The following ZMAT4 variants were observed in gnomAD, a reference collection of about 807,000 sequenced individuals.
The protein encoded by ZMAT4 is zinc finger matrin-type protein 4.
ZMAT4 carries 17 observed loss-of-function variants against 28.7 expected under a neutral mutation model. The observed-to-expected ratio is 0.59, with a 90% CI of 0.41 to 0.89. The LOEUF (loss-of-function observed/expected upper bound fraction) is 0.89. ZMAT4 is among the 40% of genes least tolerant of loss of function. ZMAT4 has a pLI of 0.00. For missense variants in ZMAT4, 240 were observed against 283.8 expected (o/e 0.85, Z 1.11); for synonymous variants, 117 against 109.2 (o/e 1.07, Z -0.44).
intron 5 of ZMAT4, among the ~76,000 whole-genome samples, chr8:40,598,202 T>C (rs1805166562): frequency 6.6e-6 from 1 of 152,210 alleles, no homozygotes; most frequent in Non-Finnish European, 1.5e-5. Context: ...TTTTGTTTGT[T>C]TGTTTGCTTT....
At chr8:40,888,495 C>T (rs574567335) in intron 1 of ZMAT4, 1 of 152,526 alleles carries the variant, frequency 6.6e-6, no homozygotes, top group South Asian at 2.1e-4. Flanking sequence ...CATGCCCTAC[C>T]TTCAGGCAGG....
At chr8:40,543,833 G>T (rs7010115) in intron 6 of ZMAT4, among the ~76,000 whole-genome samples, 16,756 of 152,144 alleles carry the variant, frequency 0.11, 2,860 homozygotes, top group African/African-American at 0.37. Context: ...AAGGTAGAGG[G>T]AACAACATTA....
intron 5 of ZMAT4, among the ~76,000 whole-genome samples, chr8:40,671,203 T>C (rs1808651869): frequency 2.0e-5 from 3 of 152,208 alleles, no homozygotes; most frequent in Admixed American, 2.0e-4. Flanking sequence ...GGTGAGGCTA[T>C]GGAATTTTTA....
At chr8:40,713,695 A>C (rs1024852877) in intron 3 of ZMAT4, among the ~76,000 whole-genome samples, 3 of 151,918 alleles carry the variant, frequency 2.0e-5, no homozygotes, top group Non-Finnish European at 4.4e-5. Flanking sequence ...GATCACTTGC[A>C]GTCAGGAGTT....
At chr8:40,749,577 G>A (rs1210197803) in intron 3 of ZMAT4, among the ~76,000 whole-genome samples, 1 of 152,142 alleles carries the variant, frequency 6.6e-6, no homozygotes, top group East Asian at 1.9e-4. Flanking sequence ...AAAGAACAAA[G>A]TTAGGATGAC....
chr8:40,674,003 T>C (rs1372897919), intron 5 of ZMAT4, among the ~76,000 whole-genome samples: 2 of 152,092 alleles, frequency 1.3e-5, no homozygotes, highest in Admixed American at 6.6e-5. Context: ...TTGAGTCAAT[T>C]TGTTGCTTTG....
intron 6 of ZMAT4, among the ~76,000 whole-genome samples, chr8:40,577,453 A>G (rs1005883099): frequency 7.2e-5 from 11 of 152,202 alleles, no homozygotes; most frequent in African/African-American, 2.7e-4. Context: ...CTTCTCACTC[A>G]TATGAAAGCT....
intron 5 of ZMAT4, among the ~76,000 whole-genome samples, chr8:40,613,303 C>A (rs1043671284): frequency 6.7e-6 from 1 of 148,196 alleles, no homozygotes; most frequent in Non-Finnish European, 1.5e-5. Context: ...CTGACTCAGT[C>A]GTTTGAGTAG....
intron 3 of ZMAT4, among the ~76,000 whole-genome samples, chr8:40,762,260 C>T (rs1432444402): frequency 2.0e-5 from 3 of 152,284 alleles, no homozygotes; most frequent in Admixed American, 6.5e-5. Flanking sequence ...TGGGGTCTTG[C>T]ACATGTACGT....
rs147493267 is a variant in ZMAT4 at position 40,730,099 on chromosome 8, A to G, written c.193-32698T>C. Reference sequence around the variant, plus strand: ...CTAAAAAGAAAACAGATAATCCATAATAATAGAAATGTAAATGAAACATTT... The same window carrying G: ...CTAAAAAGAAAACAGATAATCCATAGTAATAGAAATGTAAATGAAACATTT... On this transcript the variant is annotated intron_variant, in intron 3 of 6. Coordinates refer to ENST00000297737, the MANE Select transcript of ZMAT4 (RefSeq NM_024645.3). Among the ~76,000 whole-genome samples, 40 of 152,338 alleles carry G rather than the reference A, an allele frequency of 2.6e-4. No homozygotes were observed. The East Asian group carries it at 7.7e-3, about 29-fold the overall frequency.
intron 6 of ZMAT4, among the ~76,000 whole-genome samples, chr8:40,540,531 C>T (rs936311231): frequency 2.0e-4 from 31 of 152,104 alleles, no homozygotes; most frequent in Admixed American, 1.8e-3. Flanking sequence ...TTTGGTTGGT[C>T]CTGATTTGTA....
chr8:40,833,540 CAAAA>C (rs57458575), intron 1 of ZMAT4, among the ~76,000 whole-genome samples: 30 of 87,048 alleles, frequency 3.4e-4, no homozygotes, highest in Non-Finnish European at 3.6e-4. Flanking sequence ...TACACTCCAG[CAAAA>C]AAAAAAAAAA....
At chr8:40,691,840 T>C (rs1809679465) in intron 4 of ZMAT4, among the ~76,000 whole-genome samples, 1 of 152,190 alleles carries the variant, frequency 6.6e-6, no homozygotes, top group South Asian at 2.1e-4. Flanking sequence ...CCCATGGATA[T>C]AAGCAGAATT....
At chr8:40,674,653 T>G (rs1563403606) in intron 5 of ZMAT4, 51 bp downstream of exon 5, 2 of 1,472,734 alleles carry the variant, frequency 1.4e-6, no homozygotes, top group Non-Finnish European at 9.5e-7. Flanking sequence ...AAGCCGCATC[T>G]TTTCTCTGAA....
intron 4 of ZMAT4, among the ~76,000 whole-genome samples, chr8:40,689,073 T>G (rs1032532348): frequency 6.6e-6 from 1 of 152,192 alleles, no homozygotes; most frequent in Non-Finnish European, 1.5e-5. Context: ...TCCAAGGTGG[T>G]GGGACCTCCC....
At chr8:40,684,758 A>G (rs1809325282) in intron 4 of ZMAT4, among the ~76,000 whole-genome samples, 1 of 152,166 alleles carries the variant, frequency 6.6e-6, no homozygotes, top group Non-Finnish European at 1.5e-5. Flanking sequence ...AGTTTAGAGG[A>G]AGAGAGGCAA....
chr8:40,701,425 C>T (rs1042344113), intron 3 of ZMAT4, among the ~76,000 whole-genome samples: 4 of 151,326 alleles, frequency 2.6e-5, no homozygotes, highest in African/African-American at 9.7e-5. Context: ...ACAAAAGGGG[C>T]CAGTTATTCA....
At chr8:40,842,410 G>A (rs889130854) in intron 1 of ZMAT4, among the ~76,000 whole-genome samples, 2 of 152,214 alleles carry the variant, frequency 1.3e-5, no homozygotes, top group African/African-American at 4.8e-5. Flanking sequence ...CCTTATTAAA[G>A]CACTCCAGTT....
chr8:40,762,187 CTAAGTGA>C (rs1812969456), intron 3 of ZMAT4, among the ~76,000 whole-genome samples: 1 of 152,186 alleles, frequency 6.6e-6, no homozygotes, highest in South Asian at 2.1e-4. Context: ...TGCCATAGTA[CTAAGTGA>C]ATAATGTCCC....
Sources: allele counts gnomAD v4.1 joint callset (sites outside exome capture counted in the v4.1 genomes callset), GRCh38; gene constraint gnomAD v4.1.1; transcripts MANE v1.5; gene names NCBI Gene and HGNC (gene_info 2026-07-23, HGNC 2026-07-21).